Variants in ATAD2 observed in about 807,000 individuals in gnomAD.
ATAD2 encodes the protein ATPase family AAA domain-containing protein 2.
ATAD2 carries 62 observed loss-of-function variants against 168.9 expected under a neutral mutation model. That is an observed-to-expected ratio of 0.37 (90% CI 0.30 to 0.45). The LOEUF (loss-of-function observed/expected upper bound fraction) is 0.45. Among genes scored for constraint, ATAD2 ranks in the 20% least tolerant of loss-of-function variants. The pLI, the probability that ATAD2 is intolerant of heterozygous loss-of-function variation, is 1.00. For missense variants in ATAD2, 1,419 were observed against 1,667.8 expected (o/e 0.85, Z 2.60); for synonymous variants, 613 against 571.6 (o/e 1.07, Z -1.03).
intron 1 of ATAD2, among the ~76,000 whole-genome samples, chr8:123,407,320 G>A (rs1323448990): frequency 2.0e-5 from 3 of 152,194 alleles, no homozygotes; most frequent in East Asian, 1.9e-4. Flanking sequence ...CCTGGGAAAT[G>A]TATATAGTAC....
At chr8:123,360,387 G>C (rs1828778475) in intron 9 of ATAD2, among the ~76,000 whole-genome samples, 1 of 152,110 alleles carries the variant, frequency 6.6e-6, no homozygotes, top group South Asian at 2.1e-4. Context: ...TGTCGCCCAG[G>C]CTGGAGTGCA....
chr8:123,371,217 A>C lies in ATAD2; in HGVS notation c.639+19T>G. The C allele has an allele frequency of 6.4e-7, 1 of 1,556,754 alleles. No homozygotes were observed. The highest frequency in any genetic ancestry group is 8.7e-7 in the Non-Finnish European group (1 of 1,142,904). On this transcript the variant is annotated intron_variant, in intron 5 of 27. Transcript: ENST00000287394. ...AAACTGGATATTAAATCATTCCCTT[A>C]ATGGAAGAATATATTTACTTCTTCT...
intron 21 of ATAD2, 89 bp from the exon 22 acceptor site, chr8:123,336,621 G>C (rs189318919): frequency 5.2e-6 from 5 of 955,610 alleles, no homozygotes; most frequent in Non-Finnish European, 7.4e-6. Context: ...ATAGGAGATA[G>C]AGAATAAATA....
Position 123,339,452 on chromosome 8 carries a change from A to C in ATAD2, c.2719-6T>G. 1 of 1,568,104 alleles carries C rather than the reference A, an allele frequency of 6.4e-7. No homozygotes were observed. Among genetic ancestry groups the C allele is most frequent in the Non-Finnish European group, 8.7e-7 (1 of 1,154,852 alleles). Reference sequence around the variant, plus strand: ...CGGATAAACAATTCTTGCACCTTAAAAAAGAAAATAAATGCAATATATATC... The same window carrying C: ...CGGATAAACAATTCTTGCACCTTAACAAAGAAAATAAATGCAATATATATC... On this transcript the variant is annotated splice_region_variant and splice_polypyrimidine_tract_variant and intron_variant, in intron 19 of 27. Transcript: ENST00000287394.
chr8:123,365,307 A>G (rs1828941792), intron 8 of ATAD2, among the ~76,000 whole-genome samples: 1 of 152,208 alleles, frequency 6.6e-6, no homozygotes. Flanking sequence ...AGCACATCCC[A>G]TGCTCATGGA....
intron 2 of ATAD2, 79 bp from the exon 3 acceptor site, chr8:123,372,765 A>G (rs1268893073): frequency 1.2e-5 from 14 of 1,209,232 alleles, no homozygotes; most frequent in Non-Finnish European, 7.9e-6. Flanking sequence ...ATTGCACTCC[A>G]TCGTCCAACA....
Position 123,348,278 on chromosome 8 carries a change from G to A in ATAD2, c.1807-5C>T. ...CTTTAGAATCTCTTTTCGAGCCTAT[G>A]AATAAAAACAATTTAATTTTTTACA... On this transcript the variant is annotated splice_region_variant and splice_polypyrimidine_tract_variant and intron_variant, in intron 14 of 27. Transcript: ENST00000287394. The A allele has an allele frequency of 6.4e-7, 1 of 1,556,326 alleles. No homozygotes were observed. The highest frequency in any genetic ancestry group is 1.2e-5 in the South Asian group (1 of 83,804).
intron 1 of ATAD2, among the ~76,000 whole-genome samples, chr8:123,388,550 A>T (rs1307459068): frequency 6.6e-6 from 1 of 151,478 alleles, no homozygotes; most frequent in Non-Finnish European, 1.5e-5. Flanking sequence ...GCACCACCAC[A>T]CCTAGCTGGT....
intron 1 of ATAD2, among the ~76,000 whole-genome samples, chr8:123,389,984 A>ATATATATATATATATATATATATATAT (rs1232318597): frequency 2.6e-5 from 3 of 115,184 alleles, no homozygotes. Context: ...ATATATATAT[A>ATATATATATATATATATATATATATAT]TTTTTTTTTT....
intron 1 of ATAD2, among the ~76,000 whole-genome samples, chr8:123,414,128 G>T (rs1022421990): frequency 1.0e-4 from 15 of 145,422 alleles, no homozygotes; most frequent in African/African-American, 3.8e-4. Context: ...AAAGTATAGG[G>T]TATGCGGGAA....
chr8:123,357,265 A>G (rs1464160323), intron 12 of ATAD2, among the ~76,000 whole-genome samples: 1 of 152,184 alleles, frequency 6.6e-6, no homozygotes, highest in East Asian at 1.9e-4. Flanking sequence ...TCCCATACTG[A>G]GCCATAATTC....
In ATAD2 at chr8:123,336,354, A is replaced by C; in HGVS notation, c.3211+19T>G. ...GCCCCCCAACTCAACCCCCTGAAAA[A>C]AAATTCACTAATGCTCACCTCCAGG... On this transcript the variant is annotated intron_variant, in intron 22 of 27. Transcript: ENST00000287394. The C allele has an allele frequency of 6.4e-7, 1 of 1,551,774 alleles. No individual in the cohort carries two copies. Among genetic ancestry groups the C allele is most frequent in the Non-Finnish European group, 8.7e-7 (1 of 1,155,858 alleles).
chr8:123,361,231 C>T (rs900722945), intron 9 of ATAD2, among the ~76,000 whole-genome samples: 3 of 150,896 alleles, frequency 2.0e-5, no homozygotes, highest in Admixed American at 6.6e-5. Context: ...GCAGGAGAGT[C>T]GTGTGAACCC....
At chr8:123,358,431 G>A (rs1348222898) in intron 11 of ATAD2, among the ~76,000 whole-genome samples, 3 of 151,386 alleles carry the variant, frequency 2.0e-5, no homozygotes, top group South Asian at 2.1e-4. Flanking sequence ...TGCAACCTCC[G>A]CATCCCAGGT....
chr8:123,406,865 G>C (rs1466665542), intron 1 of ATAD2, among the ~76,000 whole-genome samples: 1 of 151,724 alleles, frequency 6.6e-6, no homozygotes, highest in Admixed American at 6.6e-5. Context: ...CTTTTGGTTG[G>C]ATTAGTGAGT....
At chr8:123,350,061 C>T (rs1226298294) in intron 13 of ATAD2, among the ~76,000 whole-genome samples, 2 of 151,890 alleles carry the variant, frequency 1.3e-5, no homozygotes, top group East Asian at 3.8e-4. Context: ...GCTGGTAGCA[C>T]CAGGTAGGAC....
chr8:123,386,036 G>T (rs1468800679), intron 1 of ATAD2, among the ~76,000 whole-genome samples: 3 of 145,012 alleles, frequency 2.1e-5, no homozygotes, highest in African/African-American at 7.6e-5. Context: ...AAAAAAAAAA[G>T]GAGAAAATAG....
intron 24 of ATAD2, among the ~76,000 whole-genome samples, chr8:123,331,500 A>G (rs1393600022): frequency 2.6e-5 from 4 of 151,524 alleles, no homozygotes; most frequent in East Asian, 2.0e-4. Flanking sequence ...TCAGCCTCCC[A>G]AAGTGCTGGG....
intron 19 of ATAD2, chr8:123,342,344 G>A (rs1037553065): frequency 2.6e-5 from 4 of 152,198 alleles, no homozygotes; most frequent in African/African-American, 9.6e-5. Flanking sequence ...GACTTGTCAT[G>A]ATGAAGATGT....
Sources: allele counts gnomAD v4.1 joint callset (sites outside exome capture counted in the v4.1 genomes callset), GRCh38; gene constraint gnomAD v4.1.1; transcripts MANE v1.5; gene names NCBI Gene and HGNC (gene_info 2026-07-23, HGNC 2026-07-21).